The following ZFHX3 variants were observed in gnomAD, a reference collection of about 807,000 sequenced individuals.
ZFHX3 encodes the protein zinc finger homeobox 3.
Under a neutral mutation model 279.1 loss-of-function variants are expected in ZFHX3, and 42 were observed. That is an observed-to-expected ratio of 0.15 (90% CI 0.12 to 0.19). The LOEUF (loss-of-function observed/expected upper bound fraction) is 0.19. Ranked by LOEUF, ZFHX3 falls within the 10% of genes least tolerant of loss-of-function variation. ZFHX3 has a pLI of 1.00. For synonymous variants in ZFHX3, 2,293 were observed against 1,957.8 expected (o/e 1.17, Z -4.52); for missense variants, 4,981 against 4,754.0 (o/e 1.05, Z -1.40).
rs536595244 is a variant in ZFHX3 at position 73,771,997 on chromosome 16, T to C, written c.-1607-91757A>G. On this transcript the variant is annotated intron_variant, in intron 1 of 17. Transcript: ENST00000641206. ...GTTTGTTCTCCCAACCTTCATATCA[T>C]TTTTGTGGCCTTTCTTTTCTTTCTT... 3.9e-5 allele frequency among the ~76,000 whole-genome samples: 6 copies of C among 152,290 alleles called. No individual in the cohort carries two copies. The East Asian group carries it at 1.2e-3, about 29-fold the overall frequency.
chr16:73,083,978 C>A (rs998839863), intron 8 of ZFHX3, among the ~76,000 whole-genome samples: 11 of 152,292 alleles, frequency 7.2e-5, no homozygotes, highest in African/African-American at 2.6e-4. Context: ...CTTTGCCCCC[C>A]ACATCCCAAG....
chr16:73,434,332 T>A (rs548759119), intron 3 of ZFHX3, among the ~76,000 whole-genome samples: 1 of 152,174 alleles, frequency 6.6e-6, no homozygotes, highest in Non-Finnish European at 1.5e-5. Context: ...GTCTGTGGTG[T>A]TCCTCTAAGG....
chr16:73,801,969 T>C (rs1960158830), intron 1 of ZFHX3, among the ~76,000 whole-genome samples: 2 of 152,174 alleles, frequency 1.3e-5, no homozygotes, highest in Non-Finnish European at 2.9e-5. Flanking sequence ...CAAATTTGGA[T>C]CTCTCCTCGC....
At position 73,473,365 on chromosome 16, in the gene ZFHX3, A is replaced by AAAAAAAAAAAAAAAAAAAAAAAAAC. The variant is rs2018708335; in HGVS notation, c.-1546-17108_-1546-17107insGTTTTTTTTTTTTTTTTTTTTTTTT. 9.2e-5 allele frequency among the ~76,000 whole-genome samples: 12 copies of AAAAAAAAAAAAAAAAAAAAAAAAAC among 130,148 alleles called. 1 individual carries two copies. Among genetic ancestry groups the AAAAAAAAAAAAAAAAAAAAAAAAAC allele is most frequent in the African/African-American group, 3.1e-4 (10 of 32,484 alleles). 85.4% of individuals were successfully genotyped at this position (130,148 alleles called of 152,430 possible). On this transcript the variant is annotated intron_variant, in intron 2 of 17. Coordinates refer to the ZFHX3 transcript ENST00000641206. The stretch of plus-strand genomic sequence containing the variant: ...AAAAAAAAAAAAAAAAAACAAAAAA[A>AAAAAAAAAAAAAAAAAAAAAAAAAC]AAAAAAACAAAATAATAAGCTATGT...
intron 1 of ZFHX3, among the ~76,000 whole-genome samples, chr16:73,760,711 T>G (rs2053855143): frequency 6.6e-6 from 1 of 151,952 alleles, no homozygotes; most frequent in South Asian, 2.1e-4. Context: ...TAAACAGAAC[T>G]AAAGACAAAA....
intron 3 of ZFHX3, among the ~76,000 whole-genome samples, chr16:73,422,347 G>A (rs2017733766): frequency 1.3e-5 from 2 of 152,082 alleles, no homozygotes; most frequent in East Asian, 1.9e-4. Flanking sequence ...GCAATAAAAT[G>A]TCTGAAACTA....
chr16:73,854,016 G>A (rs1961655938), intron 1 of ZFHX3, among the ~76,000 whole-genome samples: 1 of 152,124 alleles, frequency 6.6e-6, no homozygotes, highest in Non-Finnish European at 1.5e-5. Flanking sequence ...CTCTTGCAGG[G>A]CCTTTCAGCT....
At chr16:73,312,325 G>C (rs1182304100) in intron 4 of ZFHX3, among the ~76,000 whole-genome samples, 4 of 152,082 alleles carry the variant, frequency 2.6e-5, no homozygotes, top group Non-Finnish European at 4.4e-5. Flanking sequence ...CCAGACCACA[G>C]AGCTGGCACT....
chr16:72,840,247 G>A (rs900312373), intron 4 of ZFHX3, among the ~76,000 whole-genome samples: 1 of 152,198 alleles, frequency 6.6e-6, no homozygotes, highest in Non-Finnish European at 1.5e-5. Context: ...AAATGAAGGT[G>A]TATGGGAAAT....
chr16:73,035,311 A>C (rs1348286870), intron 1 of ZFHX3, among the ~76,000 whole-genome samples: 2 of 152,188 alleles, frequency 1.3e-5, no homozygotes, highest in East Asian at 3.8e-4. Flanking sequence ...ATCTAAAATT[A>C]CCTACGTGGC....
At chr16:73,635,416 C>A (rs1408969562) in intron 2 of ZFHX3, among the ~76,000 whole-genome samples, 1 of 152,148 alleles carries the variant, frequency 6.6e-6, no homozygotes, top group African/African-American at 2.4e-5. Context: ...AAGAAGTGAC[C>A]CCTTTTGAAA....
In ZFHX3 at chr16:72,794,937, G is replaced by A. The variant is rs1317112594; in HGVS notation, c.7745C>T (p.Pro2582Leu). The change falls in exon 9 of 10, where the codon CCA (proline) becomes CTA (leucine). Residue 2582 changes from proline (P) to leucine (L), a missense_variant. By Grantham distance (98) the Pro-to-Leu change is moderately conservative. Transcript: ENST00000268489. This position sits in a 1 kb window ranked among gnomAD's most constrained non-coding sequence, Gnocchi z 4.2. Reference protein sequence around the residue: ...MPFMLFDPSNPLLASQLLSGA... With the variant: ...MPFMLFDPSNLLLASQLLSGA... ...AGAGAGCAGCTGGCTGGCCAGGAGT[G>A]GGTTACTGGGATCAAAGAGCATGAA... 6.2e-7 allele frequency: 1 copy of A among 1,614,120 alleles called. No homozygotes were observed. Among genetic ancestry groups the A allele is most frequent in the Admixed American group, 1.7e-5 (1 of 60,012 alleles).
intron 1 of ZFHX3, among the ~76,000 whole-genome samples, chr16:73,746,912 G>A (rs950999503): frequency 6.6e-6 from 1 of 152,060 alleles, no homozygotes; most frequent in Non-Finnish European, 1.5e-5. Context: ...TAAGGACTGT[G>A]TTTTAGATTA....
chr16:73,652,094 CAAG>C (rs964588088), intron 2 of ZFHX3, among the ~76,000 whole-genome samples: 12 of 151,954 alleles, frequency 7.9e-5, no homozygotes, highest in Non-Finnish European at 1.8e-4. Context: ...ATACACACAC[CAAG>C]AAGATGTGAA....
chr16:72,923,829 G>A (rs541265473), intron 3 of ZFHX3, among the ~76,000 whole-genome samples: 1 of 152,316 alleles, frequency 6.6e-6, no homozygotes, highest in Non-Finnish European at 1.5e-5. Flanking sequence ...AACATACACA[G>A]TTGACTGTTT....
chr16:73,631,516 T>C (rs990217236), intron 2 of ZFHX3, among the ~76,000 whole-genome samples: 1 of 152,212 alleles, frequency 6.6e-6, no homozygotes, highest in Admixed American at 6.5e-5. Flanking sequence ...ACAATTGGGG[T>C]TAGATGACAA....
chr16:73,741,284 A>G (rs1184734376), intron 1 of ZFHX3, among the ~76,000 whole-genome samples: 1 of 152,162 alleles, frequency 6.6e-6, no homozygotes, highest in Non-Finnish European at 1.5e-5. Flanking sequence ...TAAAGAAAAC[A>G]GCCACTTCAC....
At chr16:73,779,101 C>T (rs2142301031) in intron 1 of ZFHX3, among the ~76,000 whole-genome samples, 1 of 152,264 alleles carries the variant, frequency 6.6e-6, no homozygotes, top group Admixed American at 6.5e-5. Flanking sequence ...CAGAGTGGCA[C>T]ACAGAACCCG....
At chr16:73,323,577 A>C (rs2015623344) in intron 3 of ZFHX3, among the ~76,000 whole-genome samples, 1 of 152,210 alleles carries the variant, frequency 6.6e-6, no homozygotes, top group African/African-American at 2.4e-5. Context: ...ATATGAAAGA[A>C]GAGATGCAGG....
Sources: allele counts gnomAD v4.1 joint callset (sites outside exome capture counted in the v4.1 genomes callset), GRCh38; gene constraint gnomAD v4.1.1; non-coding constraint Gnocchi (gnomAD v3.1); transcripts MANE v1.5; gene names NCBI Gene and HGNC (gene_info 2026-07-23, HGNC 2026-07-21).